The following SLC35F2 variants were observed in gnomAD, a reference collection of about 807,000 sequenced individuals.
The protein encoded by SLC35F2 is queuine/queuosine transporter SLC35F2.
A neutral mutation model predicts 38.1 loss-of-function variants in SLC35F2; 25 were observed. That is an observed-to-expected ratio of 0.66 (90% CI 0.48 to 0.92). The LOEUF is 0.92. Ranked by LOEUF, SLC35F2 falls within the 40% of genes least tolerant of loss-of-function variation. The probability of loss-of-function intolerance (pLI) is 0.00; values close to 1 mark genes in which losing one functional copy is unlikely to be tolerated. For synonymous variants in SLC35F2, 173 were observed against 181.7 expected (o/e 0.95, Z 0.38); for missense variants, 409 against 452.9 (o/e 0.90, Z 0.88).
chr11:107,794,866 C>T (rs1451536802), intron 7 of SLC35F2, among the ~76,000 whole-genome samples: 2 of 152,094 alleles, frequency 1.3e-5, no homozygotes, highest in African/African-American at 2.4e-5. Flanking sequence ...TTGTAGGATA[C>T]AAAATCAACA....
intron 1 of SLC35F2, among the ~76,000 whole-genome samples, chr11:107,838,996 G>A (rs1319237821): frequency 6.6e-6 from 1 of 152,076 alleles, no homozygotes; most frequent in Non-Finnish European, 1.5e-5. Flanking sequence ...TTATACTGTT[G>A]AAAAATAGTT....
In SLC35F2 at chr11:107,806,852, C is replaced by A. The variant is rs745620934; in HGVS notation, c.439G>T (p.Val147Leu). 6.2e-7 allele frequency: 1 copy of A among 1,613,976 alleles called. No homozygotes were observed. Among genetic ancestry groups the A allele is most frequent in the Admixed American group, 1.7e-5 (1 of 60,006 alleles). Residue 147 changes from valine (V) to leucine (L), a missense_variant, in exon 4 of 8, where the codon GTG (valine) becomes TTG (leucine). By Grantham distance (32) the Val-to-Leu change is conservative (BLOSUM62 1). Transcript: ENST00000525815. ...VQLLDCFGIP[V>L]LMALSWFILH... ...ATAAACCATGACAGAGCCATCAACA[C>A]AGGAATCCCAAAGCAATCCAAAAGC... is the stretch of plus-strand genomic sequence containing the variant.
At chr11:107,835,380 T>C (rs1859914656) in intron 1 of SLC35F2, among the ~76,000 whole-genome samples, 1 of 151,996 alleles carries the variant, frequency 6.6e-6, no homozygotes. Context: ...TTCCCTTCCC[T>C]GCTTAGTGGA....
intron 1 of SLC35F2, 166 bp from the exon 2 acceptor site, chr11:107,816,131 T>C (rs1192470504): frequency 1.0e-6 from 1 of 985,166 alleles, no homozygotes; most frequent in Non-Finnish European, 1.2e-6. Flanking sequence ...TGTTAGTTAC[T>C]GAAGGACTAC....
chr11:107,792,161 CAAAAAAAAAAAA>C lies in SLC35F2; in HGVS notation c.*442_*453del. The C allele has an allele frequency of 1.3e-5, 1 of 78,088 alleles. No homozygotes were observed. The highest frequency in any genetic ancestry group is 5.0e-5 in the African/African-American group (1 of 19,936). 4.8% of individuals were successfully genotyped at this position (78,088 alleles called of 1,614,324 possible). On this transcript the variant is annotated 3_prime_UTR_variant, in exon 8 of 8. Transcript: ENST00000525815. The stretch of plus-strand genomic sequence containing the variant: ...GGCCTGTGGACAATAACTGCCTCAG[CAAAAAAAAAAAA>C]AAAAAAAAACCTTGAAGCATCTGAC...
Position 107,856,125 on chromosome 11 carries a change from AAG to A in SLC35F2, c.110+2531_110+2532del, listed in dbSNP as rs1172557219. On this transcript the variant is annotated intron_variant, in intron 1 of 7. Transcript: ENST00000525815. Reference sequence around the variant, plus strand: ...TGTCTCAAAAAAAAAAAAAAAAAAGAAGAAGAAGAAAAGAAAAGAAAATCATT... The same window carrying A: ...TGTCTCAAAAAAAAAAAAAAAAAAGAAAGAAGAAAAGAAAAGAAAATCATT... Among the ~76,000 whole-genome samples, 16 of 147,098 alleles carry A rather than the reference AAG, an allele frequency of 1.1e-4. No homozygotes were observed. The East Asian group carries it at 2.4e-3, about 22-fold the overall frequency.
At chr11:107,849,099 G>A (rs1860137524) in intron 1 of SLC35F2, among the ~76,000 whole-genome samples, 1 of 152,106 alleles carries the variant, frequency 6.6e-6, no homozygotes, top group South Asian at 2.1e-4. Context: ...TGCTCTGTCT[G>A]TCAAAACAGA....
At chr11:107,835,514 GC>G (rs1433306157) in intron 1 of SLC35F2, among the ~76,000 whole-genome samples, 5 of 151,446 alleles carry the variant, frequency 3.3e-5, no homozygotes, top group Admixed American at 3.3e-4. Flanking sequence ...AGGGTTCATT[GC>G]AGCCTCCTGG....
intron 1 of SLC35F2, among the ~76,000 whole-genome samples, chr11:107,820,299 G>A (rs1455215533): frequency 6.6e-6 from 1 of 151,462 alleles, no homozygotes; most frequent in Non-Finnish European, 1.5e-5. Flanking sequence ...AAGAAAGGGA[G>A]GGAGGGGAAG....
intron 1 of SLC35F2, among the ~76,000 whole-genome samples, chr11:107,846,265 TC>T (rs1181763247): frequency 6.6e-6 from 1 of 150,480 alleles, no homozygotes; most frequent in African/African-American, 2.4e-5. Context: ...CTGAAAAAAA[TC>T]AGACAAATAA....
intron 1 of SLC35F2, among the ~76,000 whole-genome samples, chr11:107,848,986 A>G (rs936640844): frequency 6.6e-6 from 1 of 152,168 alleles, no homozygotes; most frequent in Non-Finnish European, 1.5e-5. Context: ...GTCATATCAC[A>G]TGAGATTTTT....
At chr11:107,845,382 A>G (rs1045253534) in intron 1 of SLC35F2, among the ~76,000 whole-genome samples, 3 of 152,010 alleles carry the variant, frequency 2.0e-5, no homozygotes, top group African/African-American at 7.2e-5. Context: ...GTTCAAGACC[A>G]GCCCGGGCAA....
At chr11:107,799,831 G>A (rs1219408378) in intron 7 of SLC35F2, among the ~76,000 whole-genome samples, 1 of 151,164 alleles carries the variant, frequency 6.6e-6, no homozygotes, top group African/African-American at 2.4e-5. Flanking sequence ...GCCTCCCAAA[G>A]TGCAGGCGTG....
chr11:107,856,167 C>A (rs531242607), intron 1 of SLC35F2, among the ~76,000 whole-genome samples: 22 of 151,196 alleles, frequency 1.5e-4, no homozygotes, highest in Non-Finnish European at 2.4e-4. Context: ...ATTCTTATCA[C>A]ATCTTGTTAA....
intron 1 of SLC35F2, among the ~76,000 whole-genome samples, chr11:107,830,976 C>A (rs931617337): frequency 6.6e-6 from 1 of 152,076 alleles, no homozygotes; most frequent in African/African-American, 2.4e-5. Context: ...TATAAAATGT[C>A]TCACACTGTA....
chr11:107,819,184 T>C (rs1358615397), intron 1 of SLC35F2, among the ~76,000 whole-genome samples: 1 of 152,212 alleles, frequency 6.6e-6, no homozygotes, highest in Non-Finnish European at 1.5e-5. Flanking sequence ...TCTGGAGATA[T>C]ATCCAAGAAC....
At chr11:107,848,043 G>A (rs775458973) in intron 1 of SLC35F2, among the ~76,000 whole-genome samples, 35 of 152,170 alleles carry the variant, frequency 2.3e-4, no homozygotes, top group Non-Finnish European at 3.7e-4. Flanking sequence ...AGTGGCCAGG[G>A]GCTGGGGAGG....
chr11:107,828,932 C>A (rs1250428093), intron 1 of SLC35F2, among the ~76,000 whole-genome samples: 2 of 151,580 alleles, frequency 1.3e-5, no homozygotes, highest in Non-Finnish European at 2.9e-5. Context: ...CATGGTGAAA[C>A]CCTGTCTCTA....
rs192785657 is a variant in SLC35F2 at position 107,852,993 on chromosome 11, G to A, written c.110+5665C>T. On this transcript the variant is annotated intron_variant, in intron 1 of 7. Transcript: ENST00000525815. ...CAGGAGATCATGACACTGCACTCCA[G>A]CCTAGGGCTCCATCTCAAAAAAACA... Among the ~76,000 whole-genome samples, 11 of 152,194 alleles carry A rather than the reference G, an allele frequency of 7.2e-5. No homozygotes were observed. The East Asian group carries it at 2.1e-3, about 29-fold the overall frequency.
Sources: allele counts gnomAD v4.1 joint callset (sites outside exome capture counted in the v4.1 genomes callset), GRCh38; gene constraint gnomAD v4.1.1; transcripts MANE v1.5; gene names NCBI Gene and HGNC (gene_info 2026-07-23, HGNC 2026-07-21).